ZC3H18: variants seen among roughly 807,000 people sequenced by gnomAD.
ZC3H18 encodes the protein zinc finger CCCH domain-containing protein 18.
In ZC3H18, 8 loss-of-function variants were observed where a neutral mutation model predicts 106.1. That is an observed-to-expected ratio of 0.08 (90% CI 0.04 to 0.14). The LOEUF (loss-of-function observed/expected upper bound fraction) is 0.14. Among genes scored for constraint, ZC3H18 ranks in the 10% least tolerant of loss-of-function variants. ZC3H18 has a pLI of 1.00. For synonymous variants in ZC3H18, 635 were observed against 522.1 expected, an observed-to-expected ratio of 1.22 and a Z score of -2.95; for missense variants, 1,318 against 1,278.4, an observed-to-expected ratio of 1.03 and a Z score of -0.47.
intron 3 of ZC3H18, 130 bp from the exon 4 acceptor site, chr16:88,598,047 CA>C (rs1198090888): frequency 1.0e-5 from 8 of 781,212 alleles, no homozygotes; most frequent in Non-Finnish European, 1.5e-5. Flanking sequence ...GTTCAGTTCC[CA>C]CTACTGTGTG....
intron 2 of ZC3H18, among the ~76,000 whole-genome samples, chr16:88,584,707 G>C (rs1915335037): frequency 6.6e-6 from 1 of 152,170 alleles, no homozygotes; most frequent in African/African-American, 2.4e-5. Context: ...ACTCTGGTCT[G>C]TTTACCGATC....
At chr16:88,622,451 T>A in intron 9 of ZC3H18, 63 bp downstream of exon 9, 1 of 1,492,324 alleles carries the variant, frequency 6.7e-7, no homozygotes, top group Non-Finnish European at 9.0e-7. Context: ...TGACACCATG[T>A]ACCTCACTGG....
In ZC3H18 at chr16:88,623,250, T is replaced by A; in HGVS notation, c.1699T>A (p.Ser567Thr). ...SSSRSSSYSGSGSSRSRSRSS... is the reference protein window; with the variant it reads ...SSSRSSSYSGTGSSRSRSRSS... ...TTCGCGGTCATCGTCCTACTCTGGC[T>A]CCGGCTCCTCCCGGTCGCGATCCCG... Residue 567 changes from serine (S) to threonine (T), a missense_variant, in exon 10 of 18, where the codon TCC (serine) becomes ACC (threonine). Transcript: ENST00000301011. 1 of 1,613,606 alleles carries A rather than the reference T, an allele frequency of 6.2e-7. No individual in the cohort carries two copies. Among genetic ancestry groups the A allele is most frequent in the Non-Finnish European group, 8.5e-7 (1 of 1,179,964 alleles).
chr16:88,576,748 C>G (rs188444393), intron 1 of ZC3H18, among the ~76,000 whole-genome samples: 58 of 152,304 alleles, frequency 3.8e-4, no homozygotes, highest in Admixed American at 8.5e-4. Context: ...AAAGTAAATA[C>G]TCCTCTAAGA....
intron 6 of ZC3H18, 84 bp downstream of exon 6, chr16:88,600,032 G>T: frequency 6.5e-7 from 1 of 1,527,910 alleles, no homozygotes; most frequent in Non-Finnish European, 8.9e-7. Flanking sequence ...CAGGGCCCCA[G>T]GGTGCGCTCG....
At chr16:88,571,594 A>C (rs1219890237) in intron 1 of ZC3H18, 1 of 985,252 alleles carries the variant, frequency 1.0e-6, no homozygotes, top group South Asian at 4.7e-5. Context: ...CCAAAGCCGG[A>C]AACTCCTCTC....
intron 3 of ZC3H18, among the ~76,000 whole-genome samples, chr16:88,595,609 C>A (rs1904392490): frequency 6.6e-6 from 1 of 151,162 alleles, no homozygotes; most frequent in South Asian, 2.1e-4. Flanking sequence ...GAGTTTGAGA[C>A]CAGCCTGGCT....
In ZC3H18 at chr16:88,577,200, A is replaced by G. The variant is rs750648614; in HGVS notation, c.77A>G (p.Asp26Gly). 1.9e-6 allele frequency: 3 copies of G among 1,612,334 alleles called. No homozygotes were observed. The highest frequency in any genetic ancestry group is 2.7e-5 in the African/African-American group (2 of 74,984). The change falls in exon 2 of 18, where the codon GAT (aspartate) becomes GGT (glycine). Residue 26 changes from aspartate to glycine, a missense_variant. Physicochemically the swap from Asp to Gly is moderately conservative, Grantham distance 94 (BLOSUM62 -1). Transcript: ENST00000301011. ...DEEQPQGLSD[D>G]DILRDSGSDQ... is the part of the protein sequence containing the mutation. Reference sequence around the variant, plus strand: ...GAGCAGCCACAGGGACTCTCGGACGATGACATTCTGAGGGACAGCGGGTCC... The same window carrying G: ...GAGCAGCCACAGGGACTCTCGGACGGTGACATTCTGAGGGACAGCGGGTCC...
At chr16:88,616,211 T>G (rs915463064) in intron 8 of ZC3H18, among the ~76,000 whole-genome samples, 1 of 152,216 alleles carries the variant, frequency 6.6e-6, no homozygotes, top group Non-Finnish European at 1.5e-5. Context: ...GGCTCACAGC[T>G]AGGGTTCAGG....
At chr16:88,586,497 A>G (rs865804287) in intron 2 of ZC3H18, 103 bp from the exon 3 acceptor site, 3 of 915,458 alleles carry the variant, frequency 3.3e-6, no homozygotes, top group Middle Eastern at 2.1e-4. Context: ...TCCTGTGACA[A>G]TATCCAGGTT....
At position 88,624,023 on chromosome 16, in the gene ZC3H18, G is replaced by C. The variant is rs1460755976; in HGVS notation, c.1859G>C (p.Arg620Thr). Residue 620 changes from arginine (R) to threonine (T), a missense_variant, in exon 11 of 18, where the codon AGA (arginine) becomes ACA (threonine). Around this residue, in one of 6 missense-constraint regions of ZC3H18, gnomAD observed 848 missense variants for 821.7 expected, o/e 1.03. Transcript: ENST00000301011. ...CCTTCCCCACATAGACCTTCCATCA[G>C]AACCAAGGGAGAGCCGGCCCCGCCG... ...PTPSPHRPSI[R>T]TKGEPAPPPG... 6.2e-7 allele frequency: 1 copy of C among 1,614,014 alleles called. No homozygotes were observed. Among genetic ancestry groups the C allele is most frequent in the East Asian group, 2.2e-5 (1 of 44,870 alleles).
chr16:88,624,609 T>A lies in ZC3H18; in HGVS notation c.1906T>A (p.Ser636Thr). The A allele has an allele frequency of 1.9e-6, 3 of 1,610,462 alleles. No homozygotes were observed. The highest frequency in any genetic ancestry group is 2.5e-6 in the Non-Finnish European group (3 of 1,178,618). ...AGCCTCCCTGTCTCACAGAGAGAAG[T>A]CAGTGAAGAAGCCGGCCCCGCCTCC... ...APPPGKAGEKSVKKPAPPPAP... is the reference protein window; with the variant it reads ...APPPGKAGEKTVKKPAPPPAP... Residue 636 changes from serine to threonine, a missense_variant, in exon 12 of 18, where the codon TCA (serine) becomes ACA (threonine). Ser to Thr is a moderately conservative substitution (Grantham distance 58). Transcript: ENST00000301011.
chr16:88,628,658 G>C (rs1315387203), intron 15 of ZC3H18, 100 bp from the exon 16 acceptor site: 12 of 1,281,308 alleles, frequency 9.4e-6, no homozygotes, highest in Non-Finnish European at 1.2e-5. Flanking sequence ...ACCTTTGGGA[G>C]CAGAGCAGGT....
At chr16:88,571,143 A>AC (rs1437037980) in intron 1 of ZC3H18, among the ~76,000 whole-genome samples, 1 of 152,154 alleles carries the variant, frequency 6.6e-6, no homozygotes, top group Non-Finnish European at 1.5e-5. Flanking sequence ...CTTTATATAG[A>AC]CCAACTGCAG....
At chr16:88,599,419 G>A (rs1007596771) in intron 5 of ZC3H18, among the ~76,000 whole-genome samples, 3 of 152,140 alleles carry the variant, frequency 2.0e-5, no homozygotes, top group African/African-American at 7.2e-5. Flanking sequence ...GGGAAATGAC[G>A]GACAAGATGT....
chr16:88,628,959 C>A, intron 16 of ZC3H18, 105 bp downstream of exon 16: 1 of 1,122,756 alleles, frequency 8.9e-7, no homozygotes, highest in Non-Finnish European at 1.3e-6. Context: ...GGAGGAGGGT[C>A]CAGAGAACAT....
intron 2 of ZC3H18, among the ~76,000 whole-genome samples, chr16:88,579,933 C>A (rs923852117): frequency 1.3e-5 from 2 of 152,146 alleles, no homozygotes; most frequent in Non-Finnish European, 2.9e-5. Flanking sequence ...GGGCAGCAGG[C>A]CTTTAACCAA....
chr16:88,589,445 G>A (rs562772857), intron 3 of ZC3H18, among the ~76,000 whole-genome samples: 1 of 152,366 alleles, frequency 6.6e-6, no homozygotes. Context: ...AAACAAGTGT[G>A]GCCTGTCCAT....
chr16:88,601,437 C>CA (rs567365250), intron 6 of ZC3H18, among the ~76,000 whole-genome samples: 1 of 152,210 alleles, frequency 6.6e-6, no homozygotes, highest in Non-Finnish European at 1.5e-5. Flanking sequence ...CCTTGACACT[C>CA]TATTTCCAGT....
Sources: gnomAD v4.1 joint callset for allele counts (sites outside exome capture counted in the v4.1 genomes callset) on GRCh38, gnomAD v4.1.1 for gene constraint, gnomAD v4.1.1 regional missense constraint, MANE v1.5 for transcripts, NCBI Gene and HGNC (gene_info 2026-07-23, HGNC 2026-07-21) for gene names.